The following CNTN4 variants were observed in gnomAD, a reference collection of about 807,000 sequenced individuals.
CNTN4 encodes the protein contactin-4.
In CNTN4, 77 loss-of-function variants were observed where a neutral mutation model predicts 122.5. The ratio of observed to expected loss-of-function variants is 0.63; its 90% CI spans 0.52 to 0.76. The LOEUF is 0.76. CNTN4 is among the 30% of genes least tolerant of loss of function. The pLI, the probability that CNTN4 is intolerant of heterozygous loss-of-function variation, is 0.00. For synonymous variants in CNTN4, 512 were observed against 447.0 expected, an observed-to-expected ratio of 1.15 and a Z score of -1.83; for missense variants, 1,256 against 1,259.1, an observed-to-expected ratio of 1.00 and a Z score of 0.04.
chr3:2,158,751 C>T (rs1282364816), intron 2 of CNTN4, among the ~76,000 whole-genome samples: 1 of 152,156 alleles, frequency 6.6e-6, no homozygotes, highest in Non-Finnish European at 1.5e-5. Context: ...TTAACTCACT[C>T]TTGTCATTTG....
chr3:2,232,620 C>T (rs2149553527), intron 2 of CNTN4, among the ~76,000 whole-genome samples: 1 of 152,118 alleles, frequency 6.6e-6, no homozygotes, highest in South Asian at 2.1e-4. Flanking sequence ...TAAATAACTC[C>T]ATAGAGTTTG....
chr3:3,038,731 A>C (rs932149205), intron 18 of CNTN4, among the ~76,000 whole-genome samples: 1 of 152,180 alleles, frequency 6.6e-6, no homozygotes, highest in South Asian at 2.1e-4. Context: ...GGAAACAGGT[A>C]ATTAATAGCA....
intron 7 of CNTN4, among the ~76,000 whole-genome samples, chr3:2,847,668 C>G (rs7640270): frequency 0.28 from 42,157 of 152,078 alleles, 5,967 homozygotes; most frequent in Middle Eastern, 0.32. Context: ...TGTGCTGACA[C>G]ATGACTGCCT....
chr3:2,749,936 A>G (rs1212348035), intron 6 of CNTN4, among the ~76,000 whole-genome samples: 1 of 152,234 alleles, frequency 6.6e-6, no homozygotes, highest in Non-Finnish European at 1.5e-5. Flanking sequence ...CTTTGACTCC[A>G]CGTATTGTCA....
At chr3:2,205,701 C>A (rs1189936432) in intron 2 of CNTN4, among the ~76,000 whole-genome samples, 1 of 151,950 alleles carries the variant, frequency 6.6e-6, no homozygotes, top group Non-Finnish European at 1.5e-5. Flanking sequence ...AGCTTTTCTG[C>A]CTTTGAGTCC....
intron 3 of CNTN4, among the ~76,000 whole-genome samples, chr3:2,488,653 T>C (rs568083763): frequency 6.6e-6 from 1 of 152,324 alleles, no homozygotes; most frequent in East Asian, 1.9e-4. Flanking sequence ...CTTGTTTATA[T>C]AAATTAGCCT....
At chr3:2,773,878 G>A (rs2091208975) in intron 6 of CNTN4, among the ~76,000 whole-genome samples, 1 of 147,164 alleles carries the variant, frequency 6.8e-6, no homozygotes, top group African/African-American at 2.5e-5. Context: ...ACCTGCCTCA[G>A]TCTCCCAAGT....
intron 4 of CNTN4, among the ~76,000 whole-genome samples, chr3:2,621,135 A>G (rs1265418161): frequency 7.1e-6 from 1 of 141,070 alleles, no homozygotes; most frequent in South Asian, 2.4e-4. Flanking sequence ...GTGGACACAT[A>G]GAAAGTTCTC....
chr3:2,854,836 AT>A (rs778685672), intron 7 of CNTN4, among the ~76,000 whole-genome samples: 37 of 152,012 alleles, frequency 2.4e-4, no homozygotes, highest in Non-Finnish European at 4.6e-4. Context: ...ACCATTCAAC[AT>A]TTTTTTCATT....
chr3:2,475,670 A>G (rs1326806572), intron 3 of CNTN4, among the ~76,000 whole-genome samples: 1 of 152,122 alleles, frequency 6.6e-6, no homozygotes, highest in African/African-American at 2.4e-5. Flanking sequence ...GATTTAAGCT[A>G]TTGGTGGTTC....
intron 2 of CNTN4, among the ~76,000 whole-genome samples, chr3:2,251,062 A>G (rs1182606420): frequency 2.0e-5 from 3 of 151,852 alleles, no homozygotes; most frequent in African/African-American, 7.2e-5. Context: ...CCAAATAAGA[A>G]TATCCTGCTT....
chr3:2,828,325 C>A (rs879760104), intron 7 of CNTN4, among the ~76,000 whole-genome samples: 2 of 151,996 alleles, frequency 1.3e-5, no homozygotes, highest in Non-Finnish European at 2.9e-5. Context: ...TGCCTTATCA[C>A]CTGCAAGTAA....
At chr3:2,738,201 G>A (rs1197838854) in intron 5 of CNTN4, among the ~76,000 whole-genome samples, 1 of 152,154 alleles carries the variant, frequency 6.6e-6, no homozygotes, top group African/African-American at 2.4e-5. Flanking sequence ...ATCTAAAATA[G>A]TGAAATGGTA....
chr3:2,194,124 T>C (rs748656332), intron 2 of CNTN4, among the ~76,000 whole-genome samples: 5 of 152,148 alleles, frequency 3.3e-5, no homozygotes, highest in Admixed American at 6.6e-5. Flanking sequence ...ATCATCATGT[T>C]GTCTGTCTCA....
intron 13 of CNTN4, among the ~76,000 whole-genome samples, chr3:2,959,143 T>G (rs757588894): frequency 2.5e-4 from 38 of 152,328 alleles, no homozygotes; most frequent in Admixed American, 9.8e-4. Context: ...AGCTATAAAC[T>G]ATTCCTTTGG....
At chr3:2,404,878 A>G (rs961971252) in intron 3 of CNTN4, among the ~76,000 whole-genome samples, 6 of 152,082 alleles carry the variant, frequency 3.9e-5, no homozygotes, top group African/African-American at 1.4e-4. Context: ...CTTTCAACTT[A>G]TGTTATTCTT....
At chr3:2,111,800 A>G (rs1482599622) in intron 2 of CNTN4, among the ~76,000 whole-genome samples, 1 of 152,164 alleles carries the variant, frequency 6.6e-6, no homozygotes, top group Non-Finnish European at 1.5e-5. Context: ...TGCCAGGAAT[A>G]TAATTAGACC....
chr3:2,216,878 A>G (rs1272062397), intron 2 of CNTN4, among the ~76,000 whole-genome samples: 1 of 152,050 alleles, frequency 6.6e-6, no homozygotes, highest in Non-Finnish European at 1.5e-5. Flanking sequence ...GCCCTTTCTT[A>G]GCAGGTTTGA....
chr3:2,697,038 C>T (rs1282716061), intron 4 of CNTN4, among the ~76,000 whole-genome samples: 2 of 152,184 alleles, frequency 1.3e-5, no homozygotes, highest in Non-Finnish European at 2.9e-5. Flanking sequence ...TACCAAAGCT[C>T]ACCCTGCCTA....
Sources: allele counts gnomAD v4.1 joint callset (sites outside exome capture counted in the v4.1 genomes callset), GRCh38; gene constraint gnomAD v4.1.1; transcripts MANE v1.5; gene names NCBI Gene and HGNC (gene_info 2026-07-23, HGNC 2026-07-21).